The following KIAA0753 variants were observed in gnomAD, a reference collection of about 807,000 sequenced individuals.
KIAA0753 encodes protein moonraker.
Under a neutral mutation model 116.9 loss-of-function variants are expected in KIAA0753, and 114 were observed. That is an observed-to-expected ratio of 0.98 (90% confidence interval 0.84 to 1.14). The LOEUF (loss-of-function observed/expected upper bound fraction) is 1.14, where lower values mean the gene tolerates loss of function less well. KIAA0753 is among the 50% of genes most tolerant of loss of function. The pLI is 0.00. For missense variants in KIAA0753, 1,156 were observed against 1,172.4 expected, an observed-to-expected ratio of 0.99 and a Z score of 0.20; for synonymous variants, 405 against 413.1, an observed-to-expected ratio of 0.98 and a Z score of 0.24.
At chr17:6,606,816 C>T (rs144289544) in intron 12 of KIAA0753, 57 bp downstream of exon 12, 201 of 1,453,462 alleles carry the variant, frequency 1.4e-4, no homozygotes, top group South Asian at 4.7e-4. Context: ...CTAGAACTAT[C>T]TAGATCAATT....
intron 2 of KIAA0753, among the ~76,000 whole-genome samples, chr17:6,632,859 A>T (rs1750117056): frequency 6.6e-6 from 1 of 152,108 alleles, no homozygotes; most frequent in Non-Finnish European, 1.5e-5. Context: ...CTATATTCTT[A>T]AAAAAAATCA....
At chr17:6,600,780 T>C (rs1969814970) in intron 12 of KIAA0753, among the ~76,000 whole-genome samples, 1 of 152,186 alleles carries the variant, frequency 6.6e-6, no homozygotes, top group Non-Finnish European at 1.5e-5. Context: ...ATAACGGTTG[T>C]CATTAACAGC....
At chr17:6,612,869 A>C (rs946407385) in intron 7 of KIAA0753, among the ~76,000 whole-genome samples, 4 of 152,194 alleles carry the variant, frequency 2.6e-5, no homozygotes, top group African/African-American at 9.6e-5. Flanking sequence ...GCTTCATCTC[A>C]AAAATAATAA....
chr17:6,634,551 A>G lies in KIAA0753; in HGVS notation c.93+460T>C, dbSNP rs2150925447. On this transcript the variant is annotated intron_variant, in intron 2 of 18. Coordinates refer to ENST00000361413, the MANE Select transcript of KIAA0753 (RefSeq NM_014804.3). Reference sequence around the variant, plus strand: ...TGACTGAGTGACAGACATGCAACGAAACAAGTAAGTGAAATATAATGGAAT... The same window carrying G: ...TGACTGAGTGACAGACATGCAACGAGACAAGTAAGTGAAATATAATGGAAT... 2.0e-5 allele frequency among the ~76,000 whole-genome samples: 3 copies of G among 152,370 alleles called. 1 individual carries two copies. Among genetic ancestry groups the G allele is most frequent in the Middle Eastern group, 6.8e-3 (2 of 294 alleles).
chr17:6,609,047 G>C (rs1170659560), intron 9 of KIAA0753, among the ~76,000 whole-genome samples: 2 of 152,150 alleles, frequency 1.3e-5, no homozygotes, highest in Non-Finnish European at 2.9e-5. Flanking sequence ...CTGATTTTAG[G>C]TCTGGCTGTT....
chr17:6,581,332 AGGACATAC>A (rs1288335002), intron 18 of KIAA0753, among the ~76,000 whole-genome samples: 1 of 152,134 alleles, frequency 6.6e-6, no homozygotes, highest in African/African-American at 2.4e-5. Flanking sequence ...GATCAGATTC[AGGACATAC>A]GGTTTTGAAA....
intron 3 of KIAA0753, among the ~76,000 whole-genome samples, chr17:6,625,121 G>C (rs922513062): frequency 6.6e-6 from 1 of 152,108 alleles, no homozygotes; most frequent in Non-Finnish European, 1.5e-5. Context: ...AATTCCCACT[G>C]GACAGCGATT....
intron 17 of KIAA0753, among the ~76,000 whole-genome samples, chr17:6,590,247 C>T (rs1179124717): frequency 6.6e-6 from 1 of 152,212 alleles, no homozygotes; most frequent in Admixed American, 6.5e-5. Flanking sequence ...GTAAATATCA[C>T]TACAACCCAC....
chr17:6,600,546 A>C, intron 12 of KIAA0753, 88 bp from the exon 13 acceptor site: 1 of 981,818 alleles, frequency 1.0e-6, no homozygotes, highest in Non-Finnish European at 1.6e-6. Flanking sequence ...GAGAAGGGAA[A>C]TAAAATGACC....
At chr17:6,638,315 G>A (rs563615794) in intron 1 of KIAA0753, 1 of 152,868 alleles carries the variant, frequency 6.5e-6, no homozygotes, top group South Asian at 2.0e-4. Flanking sequence ...CTTTCCCACA[G>A]GTTCAAAATG....
At chr17:6,607,963 C>T (rs949517897) in intron 10 of KIAA0753, among the ~76,000 whole-genome samples, 8 of 152,104 alleles carry the variant, frequency 5.3e-5, no homozygotes, top group African/African-American at 1.2e-4. Context: ...GGTTACATAC[C>T]GTGTTCTATC....
At position 6,623,066 on chromosome 17, in the gene KIAA0753, T is replaced by C. The variant is rs754183147; in HGVS notation, c.920A>G (p.His307Arg). The C allele has an allele frequency of 1.2e-6, 2 of 1,613,816 alleles. No individual in the cohort carries two copies. Among genetic ancestry groups the C allele is most frequent in the South Asian group, 2.2e-5 (2 of 91,068 alleles). ...CTGTAAGGCCCGAATGGCTCCTCGATGGGCAGCCGCCAGCTTAGACATTGC... is the reference window on the plus strand; with the variant it reads ...CTGTAAGGCCCGAATGGCTCCTCGACGGGCAGCCGCCAGCTTAGACATTGC... ...SWAMSKLAAAHRGAIRALQMF... is the reference protein window; with the variant it reads ...SWAMSKLAAARRGAIRALQMF... The change falls in exon 6 of 19, where the codon CAT (histidine) becomes CGT (arginine). Residue 307 changes from histidine (H) to arginine (R), a missense_variant. By Grantham distance (29) the His-to-Arg change is conservative. Coordinates refer to ENST00000361413, the MANE Select transcript of KIAA0753 (RefSeq NM_014804.3).
chr17:6,622,747 C>A, intron 6 of KIAA0753, 135 bp downstream of exon 6: 1 of 729,474 alleles, frequency 1.4e-6, no homozygotes, highest in Non-Finnish European at 2.3e-6. Flanking sequence ...AGAAGTGTTT[C>A]TTCTGCCCTC....
Position 6,589,848 on chromosome 17 carries a change from A to G in KIAA0753, c.2717T>C (p.Phe906Ser). The change falls in exon 18 of 19, where the codon TTT becomes TCT. Residue 906 changes from phenylalanine to serine, a missense_variant. By Grantham distance (155) the Phe-to-Ser change is radical (BLOSUM62 -2). Coordinates refer to ENST00000361413, the MANE Select transcript of KIAA0753 (RefSeq NM_014804.3). ...AGATATGATCCGAAGGTACTGCTCA[A>G]AACGACTACAGTAGTCACCGATGCT... ...QHSIGDYCSR[F>S]EQYLRIISHE... The G allele has an allele frequency of 6.2e-7, 1 of 1,614,148 alleles. No individual in the cohort carries two copies. Among genetic ancestry groups the G allele is most frequent in the Non-Finnish European group, 8.5e-7 (1 of 1,179,984 alleles).
At chr17:6,614,671 A>C (rs1053495116) in intron 7 of KIAA0753, among the ~76,000 whole-genome samples, 1 of 152,246 alleles carries the variant, frequency 6.6e-6, no homozygotes, top group Admixed American at 6.5e-5. Flanking sequence ...GAATGGAATG[A>C]GGAGAAAAAT....
rs529758263 is a variant in KIAA0753 at position 6,582,078 on chromosome 17, C to T, written c.2787-2214G>A. On this transcript the variant is annotated intron_variant, in intron 18 of 18. Transcript: ENST00000361413. ...AAGAAACACCCTGTATCTATTTCTA[C>T]GTCTATAAAAAACCATATATTCATC... is the stretch of plus-strand genomic sequence containing the variant. Among the ~76,000 whole-genome samples the T allele has an allele frequency of 3.3e-5, 5 of 152,284 alleles. No individual in the cohort carries two copies. In the East Asian group the frequency reaches 9.6e-4, roughly 29 times the overall value.
intron 16 of KIAA0753, among the ~76,000 whole-genome samples, chr17:6,591,023 G>A (rs1292559156): frequency 2.0e-5 from 2 of 98,456 alleles, no homozygotes; most frequent in Non-Finnish European, 1.9e-5. Flanking sequence ...GAAGAAGGAA[G>A]AAGGAAGAAG....
chr17:6,633,285 TTC>T (rs1165331011), intron 2 of KIAA0753, among the ~76,000 whole-genome samples: 1 of 152,226 alleles, frequency 6.6e-6, no homozygotes, highest in Non-Finnish European at 1.5e-5. Context: ...CTTGCAACTT[TTC>T]TGTCAGTCTG....
intron 2 of KIAA0753, 172 bp downstream of exon 2, chr17:6,634,839 G>A: frequency 1.8e-6 from 1 of 566,360 alleles, no homozygotes; most frequent in Non-Finnish European, 3.2e-6. Context: ...TTGCTTTGGG[G>A]TGATTCTGCA....
Sources: gnomAD v4.1 joint callset for allele counts (sites outside exome capture counted in the v4.1 genomes callset) on GRCh38, gnomAD v4.1.1 for gene constraint, MANE v1.5 for transcripts, NCBI Gene and HGNC (gene_info 2026-07-23, HGNC 2026-07-21) for gene names.